Variants in C1QTNF3 observed in about 807,000 individuals in gnomAD.
The protein encoded by C1QTNF3 is C1q and TNF related 3, also known as complement C1q tumor necrosis factor-related protein 3.
C1QTNF3 carries 26 observed loss-of-function variants against 32.6 expected under a neutral mutation model. That is an observed-to-expected ratio of 0.80 (90% CI 0.58 to 1.11). The LOEUF is 1.11. Among genes scored for constraint, C1QTNF3 ranks in the 50% least tolerant of loss-of-function variants. The probability of loss-of-function intolerance (pLI) is 0.00; values close to 1 mark genes in which losing one functional copy is unlikely to be tolerated. For missense variants in C1QTNF3, 362 were observed against 398.2 expected, an observed-to-expected ratio of 0.91 and a Z score of 0.77; for synonymous variants, 155 against 146.0, an observed-to-expected ratio of 1.06 and a Z score of -0.44.
chr5:34,130,097 A>G, the C1QTNF3 span, among the ~76,000 whole-genome samples: 2 of 151,392 alleles, frequency 1.3e-5, no homozygotes, highest in African/African-American at 4.9e-5. Context: ...GTTTGTCTTC[A>G]TTTGTCTTTT....
chr5:34,099,149 T>A, the C1QTNF3 span, among the ~76,000 whole-genome samples: 1 of 152,086 alleles, frequency 6.6e-6, no homozygotes, highest in African/African-American at 2.4e-5. Context: ...ATTGGATGCA[T>A]GTGACTTGTT....
At chr5:34,116,219 A>C in the C1QTNF3 span, among the ~76,000 whole-genome samples, 1,485 of 152,286 alleles carry the variant, frequency 9.8e-3, 10 homozygotes, top group Middle Eastern at 0.034. Flanking sequence ...TTGAGGTTGA[A>C]GAATATAATT....
chr5:34,043,779 A>G (rs1047834553), upstream of C1QTNF3: 1 of 152,228 alleles, frequency 6.6e-6, no homozygotes, highest in Non-Finnish European at 1.5e-5. Context: ...TAGCAAAGGT[A>G]TTTCGCCACC....
chr5:34,038,251 A>G (rs1200894543), intron 1 of C1QTNF3, among the ~76,000 whole-genome samples: 1 of 152,224 alleles, frequency 6.6e-6, no homozygotes, highest in Admixed American at 6.5e-5. Context: ...AAGGCTTCAG[A>G]AATAAGCCAC....
chr5:34,053,355 T>G, the C1QTNF3 span, among the ~76,000 whole-genome samples: 1 of 152,212 alleles, frequency 6.6e-6, no homozygotes, highest in South Asian at 2.1e-4. Context: ...ATTCTGAGCC[T>G]TAAACTAGGC....
At chr5:34,051,632 A>T in the C1QTNF3 span, among the ~76,000 whole-genome samples, 1 of 152,230 alleles carries the variant, frequency 6.6e-6, no homozygotes, top group Non-Finnish European at 1.5e-5. Flanking sequence ...TCCTCCATTT[A>T]TTTGGTTGTC....
chr5:34,169,223 G>A, the C1QTNF3 span: 3 of 152,060 alleles, frequency 2.0e-5, no homozygotes, highest in Non-Finnish European at 2.9e-5. Flanking sequence ...TAGCACAAAC[G>A]AATTAACACA....
chr5:34,021,937 T>TA (rs1324013436), intron 5 of C1QTNF3, among the ~76,000 whole-genome samples: 1 of 152,000 alleles, frequency 6.6e-6, no homozygotes, highest in East Asian at 1.9e-4. Flanking sequence ...AAAATCATAA[T>TA]AAAAAAAGAC....
At chr5:34,120,933 T>A in the C1QTNF3 span, among the ~76,000 whole-genome samples, 1 of 152,238 alleles carries the variant, frequency 6.6e-6, no homozygotes, top group Non-Finnish European at 1.5e-5. Context: ...CCTCATTTAC[T>A]TCCTGCATTG....
At chr5:34,140,098 T>G in the C1QTNF3 span, among the ~76,000 whole-genome samples, 1 of 152,202 alleles carries the variant, frequency 6.6e-6, no homozygotes, top group African/African-American at 2.4e-5. Flanking sequence ...ATTGAAGTTG[T>G]GAGCAATACC....
At chr5:34,084,796 TTTTGTTTTTTTTG>T in the C1QTNF3 span, among the ~76,000 whole-genome samples, 42 of 27,474 alleles carry the variant, frequency 1.5e-3, 3 homozygotes, top group African/African-American at 4.2e-3. Flanking sequence ...CTGGTTTTTT[TTTTGTTTTTTTTG>T]TTTTTTTTCT....
In C1QTNF3 at chr5:34,033,316, T is replaced by C; in HGVS notation, c.558A>G (p.Pro186=). The change falls in exon 3 of 6, where the codon CCA becomes CCG. Residue 186 remains proline (P), a synonymous_variant. Coordinates refer to ENST00000382065, the MANE Select transcript of C1QTNF3 (RefSeq NM_181435.6). Reference sequence around the variant, plus strand: ...GAGGATGGTTTACCTGAAGTTCTGGTGGAATCCCCGGGTAGCCCTTCTCTC... The same window carrying C: ...GAGGATGGTTTACCTGAAGTTCTGGCGGAATCCCCGGGTAGCCCTTCTCTC... ...PKGEKGYPGI[P]PELQIAFMAS... 1 of 1,613,738 alleles carries C rather than the reference T, an allele frequency of 6.2e-7. No individual in the cohort carries two copies. Among genetic ancestry groups the C allele is most frequent in the Non-Finnish European group, 8.5e-7 (1 of 1,179,864 alleles).
At chr5:34,134,091 T>C in the C1QTNF3 span, among the ~76,000 whole-genome samples, 7 of 152,262 alleles carry the variant, frequency 4.6e-5, no homozygotes, top group Middle Eastern at 3.4e-3. Flanking sequence ...TGTGACCTAA[T>C]AACACCATAT....
At chr5:34,056,479 T>TAGAGAGAGAG in the C1QTNF3 span, among the ~76,000 whole-genome samples, 6 of 51,772 alleles carry the variant, frequency 1.2e-4, no homozygotes, top group East Asian at 2.9e-3. Flanking sequence ...TATATATATA[T>TAGAGAGAGAG]AGAGAGAGAG....
chr5:34,172,197 A>AT, the C1QTNF3 span, among the ~76,000 whole-genome samples: 12 of 151,960 alleles, frequency 7.9e-5, no homozygotes, highest in Non-Finnish European at 7.4e-5. Context: ...TGTACTATGT[A>AT]TTTTTTTTCT....
the C1QTNF3 span, among the ~76,000 whole-genome samples, chr5:34,121,121 C>T: frequency 2.0e-5 from 3 of 152,130 alleles, no homozygotes; most frequent in Non-Finnish European, 4.4e-5. Flanking sequence ...TGAAAATTCC[C>T]ATAGTGTGTG....
At chr5:34,100,481 A>G in the C1QTNF3 span, among the ~76,000 whole-genome samples, 3 of 152,058 alleles carry the variant, frequency 2.0e-5, no homozygotes, top group Admixed American at 1.3e-4. Flanking sequence ...CAGTGTTAAT[A>G]AAGATTGAGT....
At chr5:34,111,222 C>A in the C1QTNF3 span, among the ~76,000 whole-genome samples, 3 of 151,890 alleles carry the variant, frequency 2.0e-5, no homozygotes, top group Non-Finnish European at 2.9e-5. Context: ...TTTATTAAAT[C>A]TTTTGAGCAG....
the C1QTNF3 span, among the ~76,000 whole-genome samples, chr5:34,171,429 T>A: frequency 1.3e-5 from 2 of 151,952 alleles, no homozygotes; most frequent in East Asian, 1.9e-4. Context: ...TATAATTAAG[T>A]GAAATGTCTA....
Sources: allele counts gnomAD v4.1 joint callset (sites outside exome capture counted in the v4.1 genomes callset), GRCh38; gene constraint gnomAD v4.1.1; transcripts MANE v1.5; gene names NCBI Gene and HGNC (gene_info 2026-07-23, HGNC 2026-07-21).